Variants in TTC29 observed in about 807,000 individuals in gnomAD.
The protein encoded by TTC29 is tetratricopeptide repeat domain 29, also known as tetratricopeptide repeat protein 29.
Under a neutral mutation model 58.1 loss-of-function variants are expected in TTC29, and 49 were observed. That is an observed-to-expected ratio of 0.84 (90% CI 0.67 to 1.07). The LOEUF (loss-of-function observed/expected upper bound fraction) is 1.07, where lower values mean the gene tolerates loss of function less well. TTC29 is among the 50% of genes least tolerant of loss of function. The probability of loss-of-function intolerance (pLI) is 0.00; values close to 1 mark genes in which losing one functional copy is unlikely to be tolerated. For missense variants in TTC29, 582 were observed against 555.6 expected (o/e 1.05, Z -0.48); for synonymous variants, 209 against 196.8 (o/e 1.06, Z -0.52).
chr4:146,725,633 G>A (rs940918588), intron 11 of TTC29, among the ~76,000 whole-genome samples: 1 of 152,120 alleles, frequency 6.6e-6, no homozygotes. Context: ...TCACCAAAAA[G>A]CCTATTTTAT....
chr4:146,921,988 T>G (rs972574964), intron 4 of TTC29, among the ~76,000 whole-genome samples: 4 of 140,338 alleles, frequency 2.9e-5, no homozygotes, highest in Non-Finnish European at 1.5e-5. Flanking sequence ...AGTAAAGATT[T>G]ACTTCCCAAT....
rs1735087732 is a variant in TTC29, at chr4:146,928,489, A to C, written c.176+9105T>G. Among the ~76,000 whole-genome samples, 8 of 152,202 alleles carry C rather than the reference A, an allele frequency of 5.3e-5. No homozygotes were observed. The South Asian group carries it at 1.7e-3, about 32-fold the overall frequency. ...TCAAAGCAGGAATGGAAGGAATTAA[A>C]CCTGGAAACAGTATGCACAGGCTGG... On this transcript the variant is annotated intron_variant, in intron 4 of 12. Transcript: ENST00000325106.
chr4:146,767,268 G>T (rs1579627631), intron 11 of TTC29, among the ~76,000 whole-genome samples: 1 of 151,888 alleles, frequency 6.6e-6, no homozygotes, highest in South Asian at 2.1e-4. Flanking sequence ...GGGTCAAATT[G>T]CTTAACCTCT....
At chr4:146,885,467 T>C (rs1485355234) in intron 6 of TTC29, among the ~76,000 whole-genome samples, 1 of 152,108 alleles carries the variant, frequency 6.6e-6, no homozygotes, top group Non-Finnish European at 1.5e-5. Context: ...ACAAATTTTC[T>C]ACGTATCTAG....
chr4:146,945,623 T>TC (rs1736864736), intron 1 of TTC29, 86 bp downstream of exon 1: 1 of 152,276 alleles, frequency 6.6e-6, no homozygotes. Flanking sequence ...GCTGTAGGGG[T>TC]CAGGGAAGGG....
At chr4:146,834,057 T>G (rs574129043) in intron 8 of TTC29, among the ~76,000 whole-genome samples, 160 bp from the exon 9 acceptor site, 1 of 152,334 alleles carries the variant, frequency 6.6e-6, no homozygotes, top group Non-Finnish European at 1.5e-5. Flanking sequence ...TTTTTATCTA[T>G]AGTATAACTT....
chr4:146,862,894 G>A (rs533907897), intron 8 of TTC29, among the ~76,000 whole-genome samples: 4 of 152,076 alleles, frequency 2.6e-5, no homozygotes, highest in East Asian at 1.9e-4. Flanking sequence ...AGGCTGAGGC[G>A]GGCAGATCAC....
At chr4:146,742,619 C>A in intron 11 of TTC29, among the ~76,000 whole-genome samples, 1 of 102,994 alleles carries the variant, frequency 9.7e-6, no homozygotes, top group Non-Finnish European at 2.1e-5. Flanking sequence ...TCCTTCCCTC[C>A]CTTCCTTCCT....
intron 4 of TTC29, among the ~76,000 whole-genome samples, chr4:146,924,128 T>A (rs1040982687): frequency 6.6e-6 from 1 of 151,812 alleles, no homozygotes; most frequent in Non-Finnish European, 1.5e-5. Context: ...GCTATATTAC[T>A]TTTCTGCACT....
intron 11 of TTC29, among the ~76,000 whole-genome samples, chr4:146,773,057 G>A (rs1747846701): frequency 6.6e-6 from 1 of 152,004 alleles, no homozygotes; most frequent in Non-Finnish European, 1.5e-5. Flanking sequence ...ACTGATTTTT[G>A]TTCATTGATT....
chr4:146,908,892 G>T, intron 5 of TTC29, 134 bp downstream of exon 5: 3 of 758,314 alleles, frequency 4.0e-6, no homozygotes, highest in Non-Finnish European at 6.4e-6. Flanking sequence ...CCATAAAGAC[G>T]TTTAATTGAC....
intron 4 of TTC29, among the ~76,000 whole-genome samples, chr4:146,921,927 C>A (rs1195013190): frequency 6.9e-6 from 1 of 144,288 alleles, no homozygotes; most frequent in South Asian, 2.2e-4. Context: ...TAAATTGATA[C>A]ATTTAGTACA....
At chr4:146,876,254 C>T (rs1408557780) in intron 6 of TTC29, among the ~76,000 whole-genome samples, 1 of 152,184 alleles carries the variant, frequency 6.6e-6, no homozygotes, top group Non-Finnish European at 1.5e-5. Context: ...AGAAACACGG[C>T]TAATGTTATC....
chr4:146,744,903 A>G (rs1415394181), intron 11 of TTC29, among the ~76,000 whole-genome samples: 1 of 152,232 alleles, frequency 6.6e-6, no homozygotes, highest in Non-Finnish European at 1.5e-5. Context: ...TATTAAAGGT[A>G]GGGAGAGGGA....
intron 8 of TTC29, among the ~76,000 whole-genome samples, chr4:146,854,612 C>T (rs1439467997): frequency 6.6e-6 from 1 of 152,062 alleles, no homozygotes; most frequent in Non-Finnish European, 1.5e-5. Context: ...TAATGTATCC[C>T]TAAAGAGTTT....
At chr4:146,915,785 G>C (rs1261530993) in intron 4 of TTC29, among the ~76,000 whole-genome samples, 5 of 151,338 alleles carry the variant, frequency 3.3e-5, no homozygotes, top group African/African-American at 1.2e-4. Context: ...TTTTTCATAG[G>C]ATAAACTGAA....
chr4:146,767,339 T>C (rs1251839531), intron 11 of TTC29, among the ~76,000 whole-genome samples: 1 of 151,966 alleles, frequency 6.6e-6, no homozygotes, highest in Non-Finnish European at 1.5e-5. Flanking sequence ...TTTTGACAAC[T>C]GCTCTGGGTC....
chr4:146,900,871 A>T (rs1345117720), intron 6 of TTC29, among the ~76,000 whole-genome samples: 1 of 152,214 alleles, frequency 6.6e-6, no homozygotes, highest in Non-Finnish European at 1.5e-5. Context: ...TTAAAAATCA[A>T]ACAAAATTTT....
At chr4:146,863,338 T>C (rs1444862928) in intron 8 of TTC29, among the ~76,000 whole-genome samples, 1 of 152,184 alleles carries the variant, frequency 6.6e-6, no homozygotes, top group East Asian at 1.9e-4. Flanking sequence ...GCTTAAGCTC[T>C]TTTGTACCTC....
Sources: allele counts gnomAD v4.1 joint callset (sites outside exome capture counted in the v4.1 genomes callset), GRCh38; gene constraint gnomAD v4.1.1; transcripts MANE v1.5; gene names NCBI Gene and HGNC (gene_info 2026-07-23, HGNC 2026-07-21).